The following RTN4 variants were observed in gnomAD, a reference collection of about 807,000 sequenced individuals.
RTN4 encodes reticulon-4.
Under a neutral mutation model 90.4 loss-of-function variants are expected in RTN4, and 32 were observed. That is an observed-to-expected ratio of 0.35 (90% CI 0.27 to 0.48). The LOEUF is 0.48. RTN4 is among the 20% of genes least tolerant of loss of function. The pLI, the probability that RTN4 is intolerant of heterozygous loss-of-function variation, is 0.99. For synonymous variants in RTN4, 629 were observed against 552.5 expected (o/e 1.14, Z -1.94); for missense variants, 1,706 against 1,430.2 (o/e 1.19, Z -3.11).
At chr2:55,131,255 C>A in the RTN4 span, among the ~76,000 whole-genome samples, 1 of 151,680 alleles carries the variant, frequency 6.6e-6, no homozygotes, top group African/African-American at 2.4e-5. Flanking sequence ...TTCACCCAGG[C>A]TGGAGTGCAG....
At chr2:55,059,333 ATAC>A (rs1668248394) in intron 2 of RTN4, among the ~76,000 whole-genome samples, 1 of 151,416 alleles carries the variant, frequency 6.6e-6, no homozygotes, top group African/African-American at 2.4e-5. Context: ...AATATACTTA[ATAC>A]ATATAGTAGA....
intron 5 of RTN4, among the ~76,000 whole-genome samples, chr2:54,979,620 T>G (rs1014757976): frequency 1.3e-5 from 2 of 152,222 alleles, no homozygotes; most frequent in African/African-American, 4.8e-5. Flanking sequence ...TTAGCTAAAT[T>G]CTTGTGTGGC....
chr2:55,028,780 C>T (rs1052695152), intron 1 of RTN4, among the ~76,000 whole-genome samples: 1 of 102,808 alleles, frequency 9.7e-6, no homozygotes, highest in Non-Finnish European at 2.1e-5. Flanking sequence ...TGCCAGAGTC[C>T]AAAATACAAA....
chr2:55,119,973 T>C, the RTN4 span, among the ~76,000 whole-genome samples: 5 of 152,184 alleles, frequency 3.3e-5, no homozygotes, highest in Non-Finnish European at 7.3e-5. Context: ...CACCTCTCCA[T>C]TTGCTCCCAT....
At chr2:55,065,240 A>G (rs1668369661) in intron 2 of RTN4, among the ~76,000 whole-genome samples, 1 of 152,206 alleles carries the variant, frequency 6.6e-6, no homozygotes, top group Admixed American at 6.5e-5. Flanking sequence ...GCTTTTATTT[A>G]TACCACATTT....
chr2:55,132,896 GT>G, the RTN4 span, among the ~76,000 whole-genome samples: 1 of 69,556 alleles, frequency 1.4e-5, no homozygotes, highest in African/African-American at 7.0e-5. Context: ...TTTTGTTGTT[GT>G]TTTTTTTAAT....
At chr2:55,049,543 A>G in intron 1 of RTN4, 1 of 822,460 alleles carries the variant, frequency 1.2e-6, no homozygotes, top group Non-Finnish European at 2.0e-6. Context: ...ACCAAGACGG[A>G]CAATAAGAAC....
At chr2:55,137,534 G>A in the RTN4 span, among the ~76,000 whole-genome samples, 2 of 152,112 alleles carry the variant, frequency 1.3e-5, no homozygotes, top group Admixed American at 6.5e-5. Context: ...GAGTCATGTG[G>A]AAGGGCTGGA....
chr2:55,083,926 G>C (rs1301859485), intron 1 of RTN4, among the ~76,000 whole-genome samples: 1 of 152,154 alleles, frequency 6.6e-6, no homozygotes, highest in Admixed American at 6.5e-5. Context: ...CCTGGTTCCT[G>C]AAACAGAGCT....
chr2:55,099,289 T>C (rs1463897071), intron 1 of RTN4, among the ~76,000 whole-genome samples: 2 of 152,130 alleles, frequency 1.3e-5, no homozygotes, highest in Non-Finnish European at 2.9e-5. Flanking sequence ...TTGAGCATCA[T>C]TATGGACTCA....
At chr2:55,035,600 C>G (rs542287622) in intron 1 of RTN4, among the ~76,000 whole-genome samples, 1 of 151,060 alleles carries the variant, frequency 6.6e-6, no homozygotes, top group South Asian at 2.1e-4. Context: ...TAGTAAAGAG[C>G]AGAAACCAAT....
intron 1 of RTN4, among the ~76,000 whole-genome samples, chr2:55,081,004 AG>A (rs1208554306): frequency 6.6e-6 from 1 of 152,202 alleles, no homozygotes; most frequent in African/African-American, 2.4e-5. Flanking sequence ...AGCTCTCAAA[AG>A]GTACACTGTA....
At chr2:55,009,058 T>C (rs1376976474) in intron 3 of RTN4, among the ~76,000 whole-genome samples, 6 of 152,186 alleles carry the variant, frequency 3.9e-5, no homozygotes, top group African/African-American at 1.4e-4. Context: ...CAATCTTAAA[T>C]TCACCTTTTC....
At chr2:55,016,248 G>C (rs1047357795) in intron 3 of RTN4, among the ~76,000 whole-genome samples, 2 of 152,120 alleles carry the variant, frequency 1.3e-5, no homozygotes, top group Admixed American at 1.3e-4. Context: ...AATATATAGA[G>C]TATGATTCCA....
the RTN4 span, among the ~76,000 whole-genome samples, chr2:55,123,031 A>G: frequency 6.6e-6 from 1 of 152,270 alleles, no homozygotes; most frequent in Non-Finnish European, 1.5e-5. Flanking sequence ...CAGCACTGCA[A>G]ATCCAATATC....
At chr2:55,049,423 G>A (rs1449052894) in intron 1 of RTN4, 3 of 389,628 alleles carry the variant, frequency 7.7e-6, no homozygotes, top group Non-Finnish European at 1.5e-5. Context: ...TGGCTCTCGG[G>A]TATATACCCG....
At chr2:55,001,811 A>G (rs17046583) in intron 3 of RTN4, among the ~76,000 whole-genome samples, 10,979 of 152,254 alleles carry the variant, frequency 0.072, 600 homozygotes, top group South Asian at 0.19. Flanking sequence ...GGGACATTAT[A>G]TATGACCCAC....
At chr2:55,087,447 G>A (rs944322965) in intron 1 of RTN4, among the ~76,000 whole-genome samples, 4 of 152,106 alleles carry the variant, frequency 2.6e-5, no homozygotes, top group Non-Finnish European at 4.4e-5. Context: ...TGGTTTGCAT[G>A]TTTTCAAAAC....
chr2:54,991,034 G>A (rs376592260), intron 3 of RTN4, among the ~76,000 whole-genome samples: 11 of 151,838 alleles, frequency 7.2e-5, no homozygotes, highest in Non-Finnish European at 1.2e-4. Flanking sequence ...CGCCCGCCTC[G>A]GCCTCTCAAA....
Sources: allele counts gnomAD v4.1 joint callset (sites outside exome capture counted in the v4.1 genomes callset), GRCh38; gene constraint gnomAD v4.1.1; transcripts MANE v1.5; gene names NCBI Gene and HGNC (gene_info 2026-07-23, HGNC 2026-07-21).